The following TMC5 variants were observed in gnomAD, a reference collection of about 807,000 sequenced individuals.
TMC5 encodes the protein transmembrane channel-like protein 5.
TMC5 carries 86 observed loss-of-function variants against 110.5 expected under a neutral mutation model. The observed-to-expected ratio is 0.78, with a 90% CI of 0.65 to 0.93. The LOEUF (loss-of-function observed/expected upper bound fraction) is 0.93, where lower values mean the gene tolerates loss of function less well. TMC5 is among the 40% of genes least tolerant of loss of function. TMC5 has a pLI of 0.00. For missense variants in TMC5, 1,144 were observed against 1,222.8 expected, an observed-to-expected ratio of 0.94 and a Z score of 0.96; for synonymous variants, 455 against 439.5, an observed-to-expected ratio of 1.04 and a Z score of -0.44.
chr16:19,463,338 T>G lies in TMC5; in HGVS notation c.1207T>G (p.Cys403Gly). Residue 403 changes from cysteine to glycine, a missense_variant, in exon 7 of 22, where the codon TGT (cysteine) becomes GGT (glycine). Coordinates refer to ENST00000542583, the MANE Select transcript of TMC5 (RefSeq NM_001261841.2). The part of the protein sequence containing the change: ...QTHRILQLNC[C>G]IQCLNSISRA... ...CCATCGTATCCTTCAGCTCAATTGC[T>G]GTATTCAGTGTCTGAACTCCATTTC... The G allele has an allele frequency of 8.7e-6, 14 of 1,614,060 alleles. No individual in the cohort carries two copies. Among genetic ancestry groups the G allele is most frequent in the Non-Finnish European group, 1.2e-5 (14 of 1,179,926 alleles).
intron 20 of TMC5, among the ~76,000 whole-genome samples, chr16:19,496,917 T>C (rs1350772374): frequency 2.4e-5 from 3 of 126,772 alleles, no homozygotes; most frequent in South Asian, 2.4e-4. Flanking sequence ...AAAAAAAGAG[T>C]ATCTGTGGAA....
intron 1 of TMC5, among the ~76,000 whole-genome samples, chr16:19,423,254 T>G (rs1263449688): frequency 6.6e-6 from 1 of 152,222 alleles, no homozygotes; most frequent in Non-Finnish European, 1.5e-5. Context: ...GGCTGTCTTG[T>G]GCATTAGAGG....
At chr16:19,464,573 G>A (rs1490973799) in intron 8 of TMC5, among the ~76,000 whole-genome samples, 1 of 152,086 alleles carries the variant, frequency 6.6e-6, no homozygotes, top group Non-Finnish European at 1.5e-5. Flanking sequence ...TTCTGTGCAC[G>A]TACAGAGGCA....
intron 13 of TMC5, 107 bp downstream of exon 13, chr16:19,477,625 C>T (rs1968521244): frequency 1.3e-6 from 1 of 763,506 alleles, no homozygotes; most frequent in African/African-American, 1.8e-5. Flanking sequence ...GGTATTAATC[C>T]CTTGTGGGAA....
chr16:19,457,202 C>A (rs1210346569), intron 5 of TMC5, among the ~76,000 whole-genome samples: 1 of 152,062 alleles, frequency 6.6e-6, no homozygotes, highest in African/African-American at 2.4e-5. Context: ...CTAGCCTGGG[C>A]AACAAAGGGA....
chr16:19,498,237 G>T lies in TMC5; in HGVS notation c.*271G>T, dbSNP rs911517646. ...ATTGAAATGAGCCTACAAAAACCTA[G>T]GAAGAGATAACTAGGGAATAATGTA... is the stretch of plus-strand genomic sequence containing the variant. On this transcript the variant is annotated 3_prime_UTR_variant, in exon 22 of 22. Coordinates refer to ENST00000542583, the MANE Select transcript of TMC5 (RefSeq NM_001261841.2). 2.2e-6 allele frequency: 1 copy of T among 456,292 alleles called. No homozygotes were observed. Among genetic ancestry groups the T allele is most frequent in the Non-Finnish European group, 3.9e-6 (1 of 253,746 alleles). The allele number at this position is 456,292 out of a possible 1,614,324, so 28.3% of individuals were successfully genotyped here.
chr16:19,481,709 G>C (rs1968623786), intron 15 of TMC5, among the ~76,000 whole-genome samples: 1 of 152,216 alleles, frequency 6.6e-6, no homozygotes. Context: ...GTCGTGTCCA[G>C]CTTTGCAGGT....
intron 5 of TMC5, among the ~76,000 whole-genome samples, chr16:19,452,841 G>A (rs1967780589): frequency 6.6e-6 from 1 of 152,086 alleles, no homozygotes; most frequent in Non-Finnish European, 1.5e-5. Flanking sequence ...AGACAGAAAG[G>A]TGGGGAAAGA....
chr16:19,492,800 C>T (rs538706080), intron 19 of TMC5, among the ~76,000 whole-genome samples: 2 of 151,246 alleles, frequency 1.3e-5, no homozygotes, highest in Non-Finnish European at 3.0e-5. Flanking sequence ...TCCTGGGCTC[C>T]TGCCTCAGCC....
At position 19,463,864 on chromosome 16, in the gene TMC5, T is replaced by G; in HGVS notation, c.1325T>G (p.Phe442Cys). The G allele has an allele frequency of 6.2e-7, 1 of 1,614,210 alleles. No individual in the cohort carries two copies. Among genetic ancestry groups the G allele is most frequent in the Non-Finnish European group, 8.5e-7 (1 of 1,180,038 alleles). ...ACGCTGAAGATCATTGGAGGCAAGT[T>G]TGGAACCAGCGTCCTCTCCTATTTC... ...QKTLKIIGGKFGTSVLSYFNF... is the reference protein window; with the variant it reads ...QKTLKIIGGKCGTSVLSYFNF... The change falls in exon 8 of 22, where the codon TTT becomes TGT. Residue 442 changes from phenylalanine (F) to cysteine (C), a missense_variant. Phe to Cys is a radical substitution (Grantham distance 205, BLOSUM62 -2). Coordinates refer to ENST00000542583, the MANE Select transcript of TMC5 (RefSeq NM_001261841.2).
chr16:19,485,356 A>T (rs1968714017), intron 15 of TMC5, among the ~76,000 whole-genome samples: 1 of 152,196 alleles, frequency 6.6e-6, no homozygotes, highest in African/African-American at 2.4e-5. Flanking sequence ...TGCAGAAGAA[A>T]GGCCTTTGTA....
At chr16:19,433,967 G>A (rs1321397659) in intron 2 of TMC5, among the ~76,000 whole-genome samples, 2 of 138,148 alleles carry the variant, frequency 1.4e-5, no homozygotes, top group Non-Finnish European at 3.1e-5. Flanking sequence ...TTACAGGCAT[G>A]TACTACCATG....
At chr16:19,479,667 T>C (rs1968569413) in intron 14 of TMC5, 139 bp downstream of exon 14, 5 of 657,574 alleles carry the variant, frequency 7.6e-6, no homozygotes, top group Non-Finnish European at 1.1e-5. Flanking sequence ...TTGGGGATAC[T>C]GTTCACTTCT....
At chr16:19,460,029 T>G (rs749055892) in intron 5 of TMC5, among the ~76,000 whole-genome samples, 1 of 152,004 alleles carries the variant, frequency 6.6e-6, no homozygotes, top group Non-Finnish European at 1.5e-5. Context: ...TGAATTGGAA[T>G]AAAGTGCAGC....
At chr16:19,484,989 A>G (rs8063463) in intron 15 of TMC5, among the ~76,000 whole-genome samples, 41,449 of 151,710 alleles carry the variant, frequency 0.27, 8,351 homozygotes, top group African/African-American at 0.56. Context: ...TAGGGACAGT[A>G]GTAGAGATGA....
At chr16:19,439,344 T>C (rs1967426959) in intron 2 of TMC5, among the ~76,000 whole-genome samples, 2 of 152,230 alleles carry the variant, frequency 1.3e-5, no homozygotes, top group African/African-American at 4.8e-5. Context: ...TGCACTTATA[T>C]TAATTTATGC....
chr16:19,486,872 C>G (rs1968755241), intron 15 of TMC5, 73 bp from the exon 16 acceptor site: 4 of 1,365,214 alleles, frequency 2.9e-6, no homozygotes, highest in South Asian at 2.4e-5. Context: ...TCTCTTCCCC[C>G]CAACCATCCC....
intron 2 of TMC5, among the ~76,000 whole-genome samples, chr16:19,432,651 G>T (rs540157285): frequency 3.9e-5 from 6 of 152,260 alleles, no homozygotes; most frequent in African/African-American, 9.6e-5. Flanking sequence ...TTAGCTCTTT[G>T]TTTGTTTAGG....
intron 18 of TMC5, 126 bp from the exon 19 acceptor site, chr16:19,492,023 CT>C (rs368590781): frequency 1.3e-6 from 1 of 744,338 alleles, no homozygotes. Flanking sequence ...CCTGACATGA[CT>C]TTTCAGAAAC....
Sources: gnomAD v4.1 joint callset for allele counts (sites outside exome capture counted in the v4.1 genomes callset) on GRCh38, gnomAD v4.1.1 for gene constraint, MANE v1.5 for transcripts, NCBI Gene and HGNC (gene_info 2026-07-23, HGNC 2026-07-21) for gene names.